The following CYP2E1 variants were observed in gnomAD, a reference collection of about 807,000 sequenced individuals.
CYP2E1 encodes the protein cytochrome P450 2E1.
Under a neutral mutation model 42.9 loss-of-function variants are expected in CYP2E1, and 31 were observed. The ratio of observed to expected loss-of-function variants is 0.72; its 90% CI spans 0.54 to 0.98. The LOEUF (loss-of-function observed/expected upper bound fraction) is 0.98, where lower values mean the gene tolerates loss of function less well. Ranked by LOEUF, CYP2E1 falls within the 50% of genes least tolerant of loss-of-function variation. The pLI is 0.00. For missense variants in CYP2E1, 565 were observed against 633.2 expected (o/e 0.89, Z 1.16); for synonymous variants, 244 against 248.9 (o/e 0.98, Z 0.19).
rs2133601623 is a variant in CYP2E1, at chr10:133,538,980, C to A, written c.*16C>A. The A allele has an allele frequency of 6.5e-7, 1 of 1,549,906 alleles. No individual in the cohort carries two copies. The highest frequency in any genetic ancestry group is 2.3e-5 in the East Asian group (1 of 43,120). ...CCGCTCATGAGTGTGTGGAGGACAC[C>A]CTGAACCCCCCGCTTTCAAACAAGT... is the stretch of plus-strand genomic sequence containing the variant. On this transcript the variant is annotated 3_prime_UTR_variant, in exon 9 of 9. Coordinates refer to ENST00000252945, the MANE Select transcript of CYP2E1 (RefSeq NM_000773.4).
At chr10:133,532,943 GC>G in intron 5 of CYP2E1, 75 bp downstream of exon 5, 1 of 1,368,014 alleles carries the variant, frequency 7.3e-7, no homozygotes, top group Middle Eastern at 2.7e-4. Context: ...TACAGAGTGA[GC>G]TGCACTTGCT....
intron 5 of CYP2E1, among the ~76,000 whole-genome samples, chr10:133,533,334 G>A (rs899833496): frequency 6.6e-6 from 1 of 152,142 alleles, no homozygotes; most frequent in Non-Finnish European, 1.5e-5. Flanking sequence ...CCTATGGCTT[G>A]TGGCTCAAGA....
chr10:133,534,797 A>G (rs1431707656), intron 6 of CYP2E1, among the ~76,000 whole-genome samples: 1 of 152,034 alleles, frequency 6.6e-6, no homozygotes, highest in African/African-American at 2.4e-5. Context: ...GAAAGTCGAC[A>G]TGTGATGGAT....
intron 2 of CYP2E1, among the ~76,000 whole-genome samples, chr10:133,529,144 AG>A (rs1004398825): frequency 6.6e-6 from 1 of 152,188 alleles, no homozygotes; most frequent in African/African-American, 2.4e-5. Flanking sequence ...GAGACCGGGA[AG>A]GGGGAAGAGA....
At chr10:133,538,025 G>T in intron 8 of CYP2E1, 133 bp downstream of exon 8, 1 of 792,746 alleles carries the variant, frequency 1.3e-6, no homozygotes, top group Admixed American at 3.1e-5. Flanking sequence ...TGTTTCTATT[G>T]ACAACATGAC....
intron 3 of CYP2E1, 49 bp from the exon 4 acceptor site, chr10:133,532,075 G>A: frequency 4.4e-6 from 7 of 1,573,610 alleles, no homozygotes; most frequent in Admixed American, 1.7e-5. Context: ...GCAGGTGGAG[G>A]AGTCTCCTCA....
Position 133,532,927 on chromosome 10 carries a change from C to A in CYP2E1, c.825+59C>A, listed in dbSNP as rs1480338817. On this transcript the variant is annotated intron_variant, in intron 5 of 8. Coordinates refer to ENST00000252945, the MANE Select transcript of CYP2E1 (RefSeq NM_000773.4). ...GGGGTGGGCAGAGAATGCACAATTT[C>A]AGATTTACAGAGTGAGCTGCACTTG... 9 of 1,472,506 alleles carry A rather than the reference C, an allele frequency of 6.1e-6. No individual in the cohort carries two copies. The Middle Eastern group carries it at 7.5e-4, about 122-fold the overall frequency. The allele number at this position is 1,472,506 out of a possible 1,614,324, so 91.2% of individuals were successfully genotyped here.
intron 7 of CYP2E1, 128 bp downstream of exon 7, chr10:133,537,378 GC>G: frequency 1.1e-6 from 1 of 890,584 alleles, no homozygotes; most frequent in Non-Finnish European, 1.7e-6. Flanking sequence ...GGAAGGGCTG[GC>G]CCCACTCCCA....
chr10:133,529,712 C>T (rs889759793), intron 2 of CYP2E1, among the ~76,000 whole-genome samples: 12 of 152,234 alleles, frequency 7.9e-5, no homozygotes, highest in African/African-American at 2.7e-4. Context: ...GTGCGCTCTG[C>T]GGGGCGCGGG....
In CYP2E1 at chr10:133,527,382, G is replaced by A; in HGVS notation, c.-14G>A. 1 of 1,592,640 alleles carries A rather than the reference G, an allele frequency of 6.3e-7. No individual in the cohort carries two copies. The highest frequency in any genetic ancestry group is 2.3e-5 in the East Asian group (1 of 44,400). ...GATTGTCTCCCGGGCTGGCAGCAGG[G>A]CCCCAGCGGCACCATGTCTGCCCTC... On this transcript the variant is annotated 5_prime_UTR_variant, in exon 1 of 9. Transcript: ENST00000252945.
chr10:133,527,696 T>C (rs1851287084), intron 1 of CYP2E1, 124 bp downstream of exon 1: 5 of 767,994 alleles, frequency 6.5e-6, no homozygotes, highest in South Asian at 1.8e-5. Flanking sequence ...ATTACCTGAA[T>C]TGATAGCATC....
At chr10:133,532,034 C>G in intron 3 of CYP2E1, 90 bp from the exon 4 acceptor site, 1 of 1,257,102 alleles carries the variant, frequency 8.0e-7, no homozygotes, top group East Asian at 2.3e-5. Context: ...CACCTTCTCA[C>G]AGGCCTTGGT....
intron 7 of CYP2E1, 109 bp from the exon 8 acceptor site, chr10:133,537,642 C>A: frequency 1.1e-6 from 1 of 942,846 alleles, no homozygotes; most frequent in Non-Finnish European, 1.6e-6. Flanking sequence ...TGGAAATATA[C>A]TATCCTATAT....
Position 133,528,498 on chromosome 10 carries a change from G to A in CYP2E1, c.195G>A (p.Gly65=), listed in dbSNP as rs555927807. 1 of 1,613,244 alleles carries A rather than the reference G, an allele frequency of 6.2e-7. No individual in the cohort carries two copies. Among genetic ancestry groups the A allele is most frequent in the African/African-American group, 1.3e-5 (1 of 75,060 alleles). The change falls in exon 2 of 9, where the codon GGG becomes GGA. Residue 65 remains glycine, a synonymous_variant. Coordinates refer to ENST00000252945, the MANE Select transcript of CYP2E1 (RefSeq NM_000773.4). ...CTCCGCAGTTGGCCCAGCGCTTCGGGCCGGTGTTCACGCTGTACGTGGGCT... is the reference window on the plus strand; with the variant it reads ...CTCCGCAGTTGGCCCAGCGCTTCGGACCGGTGTTCACGCTGTACGTGGGCT... ...KSFTRLAQRF[G]PVFTLYVGSQ... is the part of the protein sequence containing the mutation.
At chr10:133,538,751 T>C (rs774606336) in intron 8 of CYP2E1, 29 bp from the exon 9 acceptor site, 1 of 1,595,114 alleles carries the variant, frequency 6.3e-7, no homozygotes, top group Non-Finnish European at 8.6e-7. Flanking sequence ...ACTCCCTCAG[T>C]GTCTCATCAA....
chr10:133,537,098 C>G lies in CYP2E1; in HGVS notation c.1003C>G (p.Pro335Ala), dbSNP rs762813109. 2 of 1,613,694 alleles carry G rather than the reference C, an allele frequency of 1.2e-6. No homozygotes were observed. The highest frequency in any genetic ancestry group is 2.7e-5 in the African/African-American group (2 of 74,858). The stretch of plus-strand genomic sequence containing the variant: ...TGAAGAAATTGACAGGGTGATTGGG[C>G]CAAGCCGAATCCCTGCCATCAAGGA... ...LHEEIDRVIG[P>A]SRIPAIKDRQ... The change falls in exon 7 of 9, where the codon CCA (proline) becomes GCA (alanine). Residue 335 changes from proline to alanine, a missense_variant. Pro to Ala is a conservative substitution (Grantham distance 27). Coordinates refer to ENST00000252945, the MANE Select transcript of CYP2E1 (RefSeq NM_000773.4).
At chr10:133,532,949 C>T in intron 5 of CYP2E1, 81 bp downstream of exon 5, 2 of 1,336,704 alleles carry the variant, frequency 1.5e-6, no homozygotes, top group Non-Finnish European at 2.0e-6. Flanking sequence ...GTGAGCTGCA[C>T]TTGCTGGTGT....
rs1851348450 is a variant in CYP2E1 at position 133,532,293 on chromosome 10, A to G, written c.648+9A>G. 6.2e-7 allele frequency: 1 copy of G among 1,609,000 alleles called. No individual in the cohort carries two copies. Among genetic ancestry groups the G allele is most frequent in the African/African-American group, 1.3e-5 (1 of 74,950 alleles). On this transcript the variant is annotated intron_variant, in intron 4 of 8. Coordinates refer to ENST00000252945, the MANE Select transcript of CYP2E1 (RefSeq NM_000773.4). ...GCACTCCCTGGCTCCAGGTGAAGCC[A>G]CTTTCCTCTTTCATCAGTCATCAAC... is the stretch of plus-strand genomic sequence containing the variant.
intron 6 of CYP2E1, among the ~76,000 whole-genome samples, chr10:133,536,601 A>T (rs1218896095): frequency 8.8e-4 from 1 of 1,130 alleles, no homozygotes; most frequent in South Asian, 0.045. Context: ...GGCTGGATGG[A>T]TGGGTGGGTG....
Sources: allele counts gnomAD v4.1 joint callset (sites outside exome capture counted in the v4.1 genomes callset), GRCh38; gene constraint gnomAD v4.1.1; transcripts MANE v1.5; gene names NCBI Gene and HGNC (gene_info 2026-07-23, HGNC 2026-07-21).